Variants in PSPC1 observed in about 807,000 individuals in gnomAD.
The protein encoded by PSPC1 is paraspeckle protein 1.
PSPC1 carries 14 observed loss-of-function variants against 51.6 expected under a neutral mutation model. The ratio of observed to expected loss-of-function variants is 0.27; its 90% CI spans 0.18 to 0.42. The LOEUF (loss-of-function observed/expected upper bound fraction) is 0.42. Ranked by LOEUF, PSPC1 falls within the 10% of genes least tolerant of loss-of-function variation. PSPC1 has a pLI of 1.00. For synonymous variants in PSPC1, 193 were observed against 231.9 expected, an observed-to-expected ratio of 0.83 and a Z score of 1.53; for missense variants, 406 against 701.1, an observed-to-expected ratio of 0.58 and a Z score of 4.75.
intron 2 of PSPC1, among the ~76,000 whole-genome samples, chr13:19,771,470 C>A (rs750891087): frequency 6.6e-6 from 1 of 152,050 alleles, no homozygotes; most frequent in South Asian, 2.1e-4. Flanking sequence ...CAAGGTCACT[C>A]GGTCACCTAG....
chr13:19,778,362 T>C (rs1424524090), intron 1 of PSPC1, among the ~76,000 whole-genome samples: 9 of 34,172 alleles, frequency 2.6e-4, no homozygotes, highest in Non-Finnish European at 2.6e-4. Context: ...GACCTCTCCC[T>C]CTCCCCCTCC....
At chr13:19,686,669 A>G (rs1468903103) in intron 6 of PSPC1, among the ~76,000 whole-genome samples, 2 of 152,204 alleles carry the variant, frequency 1.3e-5, no homozygotes, top group Admixed American at 1.3e-4. Context: ...ATAAAATTCA[A>G]AAATATAGTT....
chr13:19,705,354 G>A (rs186362228), intron 8 of PSPC1, among the ~76,000 whole-genome samples: 92 of 152,286 alleles, frequency 6.0e-4, no homozygotes, highest in Non-Finnish European at 9.7e-4. Context: ...TTAGCCTGGC[G>A]TGGTGGCGCA....
At chr13:19,684,093 G>A (rs111560153) in intron 6 of PSPC1, among the ~76,000 whole-genome samples, 96 of 152,268 alleles carry the variant, frequency 6.3e-4, no homozygotes, top group African/African-American at 2.2e-3. Context: ...TGAGGCAAGC[G>A]CTCGTTAGGA....
At chr13:19,714,495 CTT>C (rs59072226) in intron 6 of PSPC1, among the ~76,000 whole-genome samples, 150 of 135,012 alleles carry the variant, frequency 1.1e-3, no homozygotes, top group Middle Eastern at 4.0e-3. Context: ...CAGCGGATTT[CTT>C]TTTTTTTTTT....
At chr13:19,772,883 T>C (rs982642499) in intron 1 of PSPC1, among the ~76,000 whole-genome samples, 5 of 152,148 alleles carry the variant, frequency 3.3e-5, no homozygotes, top group Non-Finnish European at 2.9e-5. Context: ...GACTAGAGGC[T>C]GGGCACAGTG....
Position 19,782,682 on chromosome 13 carries a change from C to T in PSPC1, c.76G>A (p.Val26Met). Residue 26 changes from valine (V) to methionine (M), a missense_variant, in exon 1 of 9, where the codon GTG becomes ATG. Val to Met is a conservative substitution (Grantham distance 21). This residue lies in a region of PSPC1 where 128 missense variants were observed against 107.1 expected (regional missense o/e 1.20). Coordinates refer to ENST00000338910, the MANE Select transcript of PSPC1 (RefSeq NM_001354909.2). The surrounding 1 kb of genome is among the most constrained non-coding windows in gnomAD (Gnocchi z 4.5). ...PARLRALESA[V>M]GESEPAAAAA... The stretch of plus-strand genomic sequence containing the variant: ...GCGGCCGCCGGCTCGCTCTCGCCCA[C>T]CGCGGACTCCAGGGCGCGAAGGCGG... 6.4e-7 allele frequency: 1 copy of T among 1,567,408 alleles called. No individual in the cohort carries two copies. Among genetic ancestry groups the T allele is most frequent in the South Asian group, 1.2e-5 (1 of 86,576 alleles).
At chr13:19,779,856 G>A in intron 1 of PSPC1, among the ~76,000 whole-genome samples, 1 of 115,018 alleles carries the variant, frequency 8.7e-6, no homozygotes, top group East Asian at 2.9e-4. Context: ...ATCCGGGAGG[G>A]AGGTGGGGGG....
downstream of PSPC1, chr13:19,671,721 C>A: frequency 1.1e-6 from 1 of 915,482 alleles, no homozygotes; most frequent in South Asian, 1.4e-5. Context: ...TGATAAGCAA[C>A]TTGAAAATAT....
chr13:19,677,830 A>G (rs1041075866), intron 6 of PSPC1: 1 of 484,742 alleles, frequency 2.1e-6, no homozygotes, highest in African/African-American at 1.9e-5. Flanking sequence ...CACCCTAGAA[A>G]TACAATGAAA....
At chr13:19,682,077 A>G (rs1877329268) in intron 6 of PSPC1, among the ~76,000 whole-genome samples, 1 of 152,218 alleles carries the variant, frequency 6.6e-6, no homozygotes, top group African/African-American at 2.4e-5. Flanking sequence ...TATGAAAGCA[A>G]CAAACATGAA....
chr13:19,704,616 A>G (rs1880414810), intron 8 of PSPC1, among the ~76,000 whole-genome samples: 2 of 152,284 alleles, frequency 1.3e-5, no homozygotes, highest in Non-Finnish European at 2.9e-5. Context: ...AATGTTATTT[A>G]CAACAAGCAT....
At chr13:19,758,663 T>C (rs1887320937) in intron 3 of PSPC1, among the ~76,000 whole-genome samples, 1 of 151,410 alleles carries the variant, frequency 6.6e-6, no homozygotes, top group Middle Eastern at 3.4e-3. Flanking sequence ...CGAAACCCCA[T>C]CTCTACTGAA....
In PSPC1 at chr13:19,782,726, C is replaced by A. The variant is rs748524016; in HGVS notation, c.32G>T (p.Arg11Leu). Residue 11 changes from arginine (R) to leucine (L), a missense_variant, in exon 1 of 9, where the codon CGC (arginine) becomes CTC (leucine). Coordinates refer to ENST00000338910, the MANE Select transcript of PSPC1 (RefSeq NM_001354909.2). This position sits in a 1 kb window ranked among gnomAD's most constrained non-coding sequence, Gnocchi z 4.5. ...AAGGCGGGCCGGGTTTTTCTCAATGCGCACTTGCTTCAGGTTTCCTCTTAA... is the reference window on the plus strand; with the variant it reads ...AAGGCGGGCCGGGTTTTTCTCAATGAGCACTTGCTTCAGGTTTCCTCTTAA... MMLRGNLKQV[R>L]IEKNPARLRA... is the part of the protein sequence containing the mutation. 4.5e-6 allele frequency: 7 copies of A among 1,567,914 alleles called. No individual in the cohort carries two copies. Among genetic ancestry groups the A allele is most frequent in the Non-Finnish European group, 6.0e-6 (7 of 1,168,874 alleles).
Position 19,689,398 on chromosome 13 carries a change from T to C in PSPC1, c.1159-11575A>G, listed in dbSNP as rs116388231. Among the ~76,000 whole-genome samples the C allele has an allele frequency of 3.8e-3, 575 of 152,332 alleles. 5 individuals are homozygous for C. Among genetic ancestry groups the C allele is most frequent in the African/African-American group, 0.013 (530 of 41,576 alleles). Reference sequence around the variant, plus strand: ...TATTTCATACTATAGATTAGCTATATAGAAAAAAATGAGTTTTGGCAAACT... The same window carrying C: ...TATTTCATACTATAGATTAGCTATACAGAAAAAAATGAGTTTTGGCAAACT... On this transcript the variant is annotated intron_variant and NMD_transcript_variant, in intron 6 of 7. Transcript: ENST00000471658.
intron 6 of PSPC1, chr13:19,679,102 T>C (rs1876991150): frequency 6.6e-6 from 1 of 152,214 alleles, no homozygotes; most frequent in African/African-American, 2.4e-5. Context: ...CAAAAAATTA[T>C]TTTTTATATA....
intron 6 of PSPC1, among the ~76,000 whole-genome samples, chr13:19,717,039 G>A (rs1442710951): frequency 6.7e-6 from 1 of 149,672 alleles, no homozygotes; most frequent in South Asian, 2.1e-4. Flanking sequence ...AAAGCTTGGC[G>A]ACACAGCAAG....
chr13:19,712,100 A>T (rs1369140366), intron 6 of PSPC1, among the ~76,000 whole-genome samples: 1 of 152,210 alleles, frequency 6.6e-6, no homozygotes, highest in Admixed American at 6.5e-5. Flanking sequence ...ATCTGTAACA[A>T]GCAAATATAG....
At chr13:19,682,538 T>C (rs1877389095) in intron 6 of PSPC1, among the ~76,000 whole-genome samples, 2 of 142,782 alleles carry the variant, frequency 1.4e-5, no homozygotes, top group African/African-American at 5.2e-5. Context: ...ACATCAGAAG[T>C]TATCGGAAAA....
Sources: allele counts gnomAD v4.1 joint callset (sites outside exome capture counted in the v4.1 genomes callset), GRCh38; gene constraint gnomAD v4.1.1; regional missense constraint gnomAD v4.1.1; non-coding constraint Gnocchi (gnomAD v3.1); transcripts MANE v1.5; gene names NCBI Gene and HGNC (gene_info 2026-07-23, HGNC 2026-07-21).